DLGAP2: variants seen among roughly 807,000 people sequenced by gnomAD.
The protein encoded by DLGAP2 is disks large-associated protein 2.
A neutral mutation model predicts 100.3 loss-of-function variants in DLGAP2; 26 were observed. The ratio of observed to expected loss-of-function variants is 0.26; its 90% CI spans 0.19 to 0.36. DLGAP2 has a LOEUF of 0.36. Among genes scored for constraint, DLGAP2 ranks in the 10% least tolerant of loss-of-function variants. The pLI, the probability that DLGAP2 is intolerant of heterozygous loss-of-function variation, is 1.00. For missense variants in DLGAP2, 1,858 were observed against 1,453.2 expected (o/e 1.28, Z -4.53); for synonymous variants, 886 against 630.1 (o/e 1.41, Z -6.08).
intron 1 of DLGAP2, among the ~76,000 whole-genome samples, chr8:754,538 A>G (rs1225509340): frequency 6.6e-6 from 1 of 152,228 alleles, no homozygotes; most frequent in Non-Finnish European, 1.5e-5. Flanking sequence ...TAGACGTCCA[A>G]GGCCACAGAA....
chr8:1,315,724 G>A (rs1219258503), intron 3 of DLGAP2, among the ~76,000 whole-genome samples: 5 of 46,636 alleles, frequency 1.1e-4, no homozygotes, highest in East Asian at 7.9e-4. Context: ...CGAGTGCAGC[G>A]TCTCTCCAAC....
intron 1 of DLGAP2, among the ~76,000 whole-genome samples, chr8:794,892 C>T (rs57126504): frequency 1.1e-4 from 17 of 151,650 alleles, no homozygotes; most frequent in African/African-American, 2.4e-4. Flanking sequence ...AGCTGCAGGA[C>T]GGGGTCCCTG....
chr8:1,051,651 C>G (rs1359917251), intron 2 of DLGAP2, among the ~76,000 whole-genome samples: 1 of 152,090 alleles, frequency 6.6e-6, no homozygotes, highest in Non-Finnish European at 1.5e-5. Context: ...ATTTTGGGAT[C>G]CAGAGTAAAG....
chr8:1,539,444 G>C (rs887779378), intron 4 of DLGAP2, among the ~76,000 whole-genome samples: 3 of 152,140 alleles, frequency 2.0e-5, no homozygotes, highest in Non-Finnish European at 4.4e-5. Flanking sequence ...CTCTAATCTC[G>C]GTGCACTGGG....
chr8:1,252,753 C>A (rs995722132), intron 2 of DLGAP2, among the ~76,000 whole-genome samples: 1 of 152,248 alleles, frequency 6.6e-6, no homozygotes, highest in Admixed American at 6.5e-5. Flanking sequence ...TCTAGAGCTC[C>A]TGTTGAAGCG....
At chr8:1,087,534 C>T (rs1023220445) in intron 2 of DLGAP2, among the ~76,000 whole-genome samples, 5 of 148,248 alleles carry the variant, frequency 3.4e-5, no homozygotes, top group Admixed American at 2.1e-4. Context: ...ACATGTGTGA[C>T]TCCTCTTTCT....
At chr8:1,003,774 C>G (rs754972452) in intron 2 of DLGAP2, among the ~76,000 whole-genome samples, 2 of 152,198 alleles carry the variant, frequency 1.3e-5, no homozygotes, top group Non-Finnish European at 2.9e-5. Context: ...ACCTGTCCAG[C>G]ACCTTGGTCC....
At chr8:1,568,598 C>T (rs1247859818) in intron 6 of DLGAP2, among the ~76,000 whole-genome samples, 2 of 140,974 alleles carry the variant, frequency 1.4e-5, no homozygotes, top group African/African-American at 2.7e-5. Context: ...CTGCCCGTGG[C>T]CCCCATGCCA....
intron 1 of DLGAP2, chr8:883,490 ATT>A (rs917656530): frequency 1.3e-5 from 2 of 152,114 alleles, no homozygotes; most frequent in Non-Finnish European, 2.9e-5. Context: ...GCAAATGCAT[ATT>A]CTTTTTTTTC....
At chr8:1,141,057 G>C (rs1382354584) in intron 2 of DLGAP2, among the ~76,000 whole-genome samples, 1 of 152,070 alleles carries the variant, frequency 6.6e-6, no homozygotes, top group Non-Finnish European at 1.5e-5. Context: ...GGTTTCCTTG[G>C]GTCTGTCTTT....
intron 8 of DLGAP2, among the ~76,000 whole-genome samples, chr8:1,663,481 G>A (rs1018483988): frequency 1.3e-5 from 2 of 152,114 alleles, no homozygotes; most frequent in African/African-American, 4.8e-5. Flanking sequence ...CTCAGACAGA[G>A]GGAAGGCAGT....
chr8:1,063,700 T>A (rs1195927241), intron 2 of DLGAP2, among the ~76,000 whole-genome samples: 1 of 152,192 alleles, frequency 6.6e-6, no homozygotes, highest in African/African-American at 2.4e-5. Context: ...ATATCTTACA[T>A]TAAAATGTTA....
intron 2 of DLGAP2, among the ~76,000 whole-genome samples, chr8:1,192,137 C>T (rs1421392016): frequency 6.6e-6 from 1 of 152,158 alleles, no homozygotes; most frequent in Non-Finnish European, 1.5e-5. Context: ...CGTGATGAAA[C>T]TGGCTGCCGT....
In DLGAP2 at chr8:1,600,703, G is replaced by A. The variant is rs149074124; in HGVS notation, c.1443-26037G>A. Reference sequence around the variant, plus strand: ...TGTGTATGCTTCACGAAGTTCTCATGCTGCGTTTTTCAGCTCCATCAGGTA... The same window carrying A: ...TGTGTATGCTTCACGAAGTTCTCATACTGCGTTTTTCAGCTCCATCAGGTA... On this transcript the variant is annotated intron_variant, in intron 6 of 14. Transcript: ENST00000637795. Among the ~76,000 whole-genome samples the A allele has an allele frequency of 2.8e-3, 431 of 152,266 alleles. 4 individuals are homozygous for A. The highest frequency in any genetic ancestry group is 9.8e-3 in the African/African-American group (406 of 41,556).
In DLGAP2 at chr8:1,708,152, G is replaced by A. The variant is rs7830545; in HGVS notation, c.*6746G>A. 1 of 152,130 alleles carries A rather than the reference G, an allele frequency of 6.6e-6. No individual in the cohort carries two copies. Among genetic ancestry groups the A allele is most frequent in the Non-Finnish European group, 1.5e-5 (1 of 68,022 alleles). The allele number at this position is 152,130 out of a possible 1,614,324, so 9.4% of individuals were successfully genotyped here. On this transcript the variant is annotated 3_prime_UTR_variant, in exon 15 of 15. Transcript: ENST00000637795. Reference sequence around the variant, plus strand: ...TCCGCCATAACCGTCCTGTGACGATGCCTCCATTTGACTTCTGTATCGCTG... The same window carrying A: ...TCCGCCATAACCGTCCTGTGACGATACCTCCATTTGACTTCTGTATCGCTG...
At chr8:1,251,942 C>A (rs1022866893) in intron 2 of DLGAP2, among the ~76,000 whole-genome samples, 3 of 152,254 alleles carry the variant, frequency 2.0e-5, no homozygotes, top group Non-Finnish European at 4.4e-5. Flanking sequence ...GTCATGTTGT[C>A]CTGGGTCATG....
intron 8 of DLGAP2, among the ~76,000 whole-genome samples, chr8:1,664,581 G>C (rs1030603176): frequency 6.6e-6 from 1 of 152,118 alleles, no homozygotes; most frequent in Non-Finnish European, 1.5e-5. Flanking sequence ...CTTTACGTCG[G>C]TGCCCAACGT....
Position 859,284 on chromosome 8 carries a change from G to C in DLGAP2, c.19-48628G>C, listed in dbSNP as rs765311298. Among the ~76,000 whole-genome samples the C allele has an allele frequency of 3.3e-5, 5 of 152,100 alleles. No homozygotes were observed. In the East Asian group the frequency reaches 7.8e-4, roughly 24 times the overall value. On this transcript the variant is annotated intron_variant, in intron 1 of 14. Transcript: ENST00000637795. ...ACGCCACGAAGCCTGGCTAATTTTTGTGCTTTTAATATAGGCAGGGTTTCA... is the reference window on the plus strand; with the variant it reads ...ACGCCACGAAGCCTGGCTAATTTTTCTGCTTTTAATATAGGCAGGGTTTCA...
At chr8:1,385,891 G>A (rs1006532933) in intron 3 of DLGAP2, among the ~76,000 whole-genome samples, 13 of 152,244 alleles carry the variant, frequency 8.5e-5, no homozygotes, top group African/African-American at 3.1e-4. Context: ...CCCGGCCCCT[G>A]AGAACTTGGT....
Sources: gnomAD v4.1 joint callset for allele counts (sites outside exome capture counted in the v4.1 genomes callset) on GRCh38, gnomAD v4.1.1 for gene constraint, MANE v1.5 for transcripts, NCBI Gene and HGNC (gene_info 2026-07-23, HGNC 2026-07-21) for gene names.